The following GRK1 variants were observed in gnomAD, a reference collection of about 807,000 sequenced individuals.
GRK1 encodes the protein rhodopsin kinase GRK1.
Under a neutral mutation model 41.7 loss-of-function variants are expected in GRK1, and 28 were observed. The observed-to-expected ratio is 0.67, with a 90% CI of 0.50 to 0.92. GRK1 has a LOEUF of 0.92. Ranked by LOEUF, GRK1 falls within the 40% of genes least tolerant of loss-of-function variation. The pLI is 0.00. For synonymous variants in GRK1, 327 were observed against 286.7 expected, an observed-to-expected ratio of 1.14 and a Z score of -1.42; for missense variants, 703 against 671.2, an observed-to-expected ratio of 1.05 and a Z score of -0.52.
In GRK1 at chr13:113,672,059, C is replaced by T. The variant is rs968459874; in HGVS notation, c.985+403C>T. Among the ~76,000 whole-genome samples, 897 of 152,136 alleles carry T rather than the reference C, an allele frequency of 5.9e-3. 10 individuals are homozygous for T. Among genetic ancestry groups the T allele is most frequent in the African/African-American group, 0.02 (812 of 41,510 alleles). On this transcript the variant is annotated intron_variant, in intron 3 of 6. Transcript: ENST00000335678. ...GGCGAGAGCCGAGGTGGGAGGATCT[C>T]GGTGGGCAACACTCACGCTCAGCTG...
At chr13:113,729,694 G>C (rs1254647267) in intron 4 of GRK1, among the ~76,000 whole-genome samples, 1 of 152,192 alleles carries the variant, frequency 6.6e-6, no homozygotes, top group Non-Finnish European at 1.5e-5. Flanking sequence ...GCTGCACACA[G>C]AGCTGTCCCT....
At chr13:113,658,119 G>T in the GRK1 span, 5 of 1,612,904 alleles carry the variant, frequency 3.1e-6, no homozygotes, top group Non-Finnish European at 4.2e-6. Context: ...CTGGCCACAC[G>T]TCTTCTTCTC....
chr13:113,733,959 CGT>C (rs1234215713), intron 6 of GRK1, among the ~76,000 whole-genome samples: 3,142 of 104,460 alleles, frequency 0.03, 64 homozygotes, highest in Non-Finnish European at 0.042. Flanking sequence ...TGTGTGCATA[CGT>C]GTGTGTGCGT....
the GRK1 span, among the ~76,000 whole-genome samples, chr13:113,650,911 C>T: frequency 0.046 from 7,016 of 152,160 alleles, 247 homozygotes; most frequent in Non-Finnish European, 0.072. The surrounding 1 kb of genome is among the most constrained non-coding windows in gnomAD (Gnocchi z 5.0). Flanking sequence ...GGGGCCCTCT[C>T]GTTTCAGAAG....
upstream of GRK1, among the ~76,000 whole-genome samples, chr13:113,663,503 A>G (rs2049801200): frequency 6.6e-6 from 1 of 152,234 alleles, no homozygotes; most frequent in South Asian, 2.1e-4. Context: ...ATGAAAGCCC[A>G]TATAGAAAGG....
At chr13:113,662,576 C>T (rs1443695681), upstream of GRK1, among the ~76,000 whole-genome samples, 3 of 152,184 alleles carry the variant, frequency 2.0e-5, no homozygotes, top group Admixed American at 6.5e-5. Flanking sequence ...AAAACTCCTA[C>T]AGCTGTTAAG....
the GRK1 span, among the ~76,000 whole-genome samples, chr13:113,648,509 T>C: frequency 6.6e-6 from 1 of 152,208 alleles, no homozygotes; most frequent in Non-Finnish European, 1.5e-5. Flanking sequence ...GCTGTCTGGG[T>C]GAGAAGTCTG....
chr13:113,668,062 C>G lies in GRK1; in HGVS notation c.676C>G (p.Leu226Val). 1 of 1,608,920 alleles carries G rather than the reference C, an allele frequency of 6.2e-7. No individual in the cohort carries two copies. The highest frequency in any genetic ancestry group is 8.5e-7 in the Non-Finnish European group (1 of 1,177,904). ...YACKKLNKKR[L>V]KKRKGYQGAM... ...CTGCAAGAAGCTGAACAAGAAGCGG[C>G]TGAAGAAGAGGAAGGGCTACCAGGT... Residue 226 changes from leucine (L) to valine (V), a missense_variant, in exon 1 of 7, where the codon CTG becomes GTG. Transcript: ENST00000335678.
the GRK1 span, chr13:113,650,652 G>T: frequency 1.2e-5 from 7 of 601,484 alleles, no homozygotes; most frequent in South Asian, 1.4e-4. This position sits in a 1 kb window ranked among gnomAD's most constrained non-coding sequence, Gnocchi z 5.0. Context: ...TAAATCAGAT[G>T]CAATCTTTCT....
At chr13:113,672,290 TCTGA>T (rs1285684711) in intron 3 of GRK1, among the ~76,000 whole-genome samples, 7 of 150,262 alleles carry the variant, frequency 4.7e-5, no homozygotes, top group Admixed American at 1.3e-4. Context: ...TGTGTGTAAG[TCTGA>T]CTGGGGTGCT....
At chr13:113,730,848 A>G (rs1317591543) in intron 4 of GRK1, among the ~76,000 whole-genome samples, 1 of 152,236 alleles carries the variant, frequency 6.6e-6, no homozygotes, top group African/African-American at 2.4e-5. Flanking sequence ...CTCAAGAGGA[A>G]AATTCAAAAG....
upstream of GRK1, among the ~76,000 whole-genome samples, chr13:113,662,942 A>C (rs1392164727): frequency 6.6e-6 from 1 of 152,262 alleles, no homozygotes; most frequent in Non-Finnish European, 1.5e-5. Context: ...ATACAAGATT[A>C]TTCTAAAATT....
intron 3 of GRK1, among the ~76,000 whole-genome samples, chr13:113,672,421 TTCGTGGTGTG>T (rs2049863838): frequency 1.4e-5 from 2 of 146,478 alleles, no homozygotes; most frequent in Non-Finnish European, 1.5e-5. Flanking sequence ...ATGTGGTGTG[TTCGTGGTGTG>T]GTGTGTGTGG....
intron 2 of GRK1, among the ~76,000 whole-genome samples, chr13:113,670,347 G>A (rs905936607): frequency 1.3e-5 from 2 of 152,218 alleles, no homozygotes; most frequent in Non-Finnish European, 2.9e-5. Context: ...TCACAGGCTC[G>A]CTTGGTAGCT....
rs758455350 is a variant in GRK1, at chr13:113,731,384, G to A, written c.1194+41G>A. On this transcript the variant is annotated intron_variant, in intron 5 of 6. Transcript: ENST00000335678. This position sits in a 1 kb window ranked among gnomAD's most constrained non-coding sequence, Gnocchi z 5.6. ...CAGGTGTCTCTGCAGCCACCTTGGCGCCCTGGCTCTCGATGGGGACGGGGC... is the reference window on the plus strand; with the variant it reads ...CAGGTGTCTCTGCAGCCACCTTGGCACCCTGGCTCTCGATGGGGACGGGGC... The A allele has an allele frequency of 1.4e-5, 21 of 1,535,720 alleles. 1 individual carries two copies. Among genetic ancestry groups the A allele is most frequent in the South Asian group, 3.6e-5 (3 of 83,972 alleles).
In GRK1 at chr13:113,668,028, GCTGTATGC is replaced by G. The variant is rs2049831408; in HGVS notation, c.646_653del (p.Tyr216GlnfsTer40). 5 of 1,611,790 alleles carry G rather than the reference GCTGTATGC, an allele frequency of 3.1e-6. No homozygotes were observed. The East Asian group carries it at 1.1e-4, about 36-fold the overall frequency. The stretch of plus-strand genomic sequence containing the variant: ...CCTGCCAGATGAAGGCGACCGGCAA[GCTGTATGC>G]CTGCAAGAAGCTGAACAAGAAGCGG... On this transcript the variant is annotated frameshift_variant, in exon 1 of 7. Transcript: ENST00000335678. LOFTEE classifies it high-confidence loss of function.
At chr13:113,651,409 G>A in the GRK1 span, among the ~76,000 whole-genome samples, 1 of 152,254 alleles carries the variant, frequency 6.6e-6, no homozygotes, top group African/African-American at 2.4e-5. Flanking sequence ...GCCACCAGGC[G>A]TTTTGAAGCG....
chr13:113,665,653 C>T (rs1421952492), upstream of GRK1, among the ~76,000 whole-genome samples: 1 of 132,992 alleles, frequency 7.5e-6, no homozygotes. Flanking sequence ...CCAGTGTGTC[C>T]CAGCTGTGCC....
chr13:113,656,167 T>A, the GRK1 span, among the ~76,000 whole-genome samples: 2 of 152,174 alleles, frequency 1.3e-5, no homozygotes, highest in Non-Finnish European at 2.9e-5. Flanking sequence ...TGTCACTGGA[T>A]CACGCCTGGT....
Sources: gnomAD v4.1 joint callset for allele counts (sites outside exome capture counted in the v4.1 genomes callset) on GRCh38, gnomAD v4.1.1 for gene constraint, Gnocchi (gnomAD v3.1) non-coding constraint, MANE v1.5 for transcripts, NCBI Gene and HGNC (gene_info 2026-07-23, HGNC 2026-07-21) for gene names.